Variants in ATP11B observed in about 807,000 individuals in gnomAD.
The protein encoded by ATP11B is phospholipid-transporting ATPase IF.
A neutral mutation model predicts 157.8 loss-of-function variants in ATP11B; 81 were observed. The ratio of observed to expected loss-of-function variants is 0.51; its 90% CI spans 0.43 to 0.62. ATP11B has a LOEUF of 0.62. Among genes scored for constraint, ATP11B ranks in the 20% least tolerant of loss-of-function variants. The probability of loss-of-function intolerance (pLI) is 0.00; values close to 1 mark genes in which losing one functional copy is unlikely to be tolerated. For synonymous variants in ATP11B, 451 were observed against 469.4 expected (o/e 0.96, Z 0.51); for missense variants, 1,165 against 1,402.2 (o/e 0.83, Z 2.70).
In ATP11B at chr3:182,873,896, A is replaced by C. The variant is rs1721844406; in HGVS notation, c.2133A>C (p.Glu711Asp). 1 of 1,614,154 alleles carries C rather than the reference A, an allele frequency of 6.2e-7. No individual in the cohort carries two copies. Among genetic ancestry groups the C allele is most frequent in the Non-Finnish European group, 8.5e-7 (1 of 1,179,994 alleles). Residue 711 changes from glutamate (E) to aspartate (D), a missense_variant, in exon 19 of 30, where the codon GAA (glutamate) becomes GAC (aspartate). Glu to Asp is a conservative substitution (Grantham distance 45). This residue lies in a region of ATP11B where 737 missense variants were observed against 930.5 expected (regional missense o/e 0.79). Transcript: ENST00000323116. The stretch of plus-strand genomic sequence containing the variant: ...GGGTACTTACTGGGGATAAACATGA[A>C]ACAGCTGTTAGTGTGAGTTTATCAT... ...KVWVLTGDKH[E>D]TAVSVSLSCG...
intron 4 of ATP11B, chr3:182,830,053 A>C: frequency 1.7e-6 from 1 of 604,176 alleles, no homozygotes; most frequent in Non-Finnish European, 2.1e-6. Flanking sequence ...TCTTAATTAT[A>C]ATCATCTTTG....
chr3:182,884,894 A>G lies in ATP11B; in HGVS notation c.2651A>G (p.Tyr884Cys). 1 of 1,404,232 alleles carries G rather than the reference A, an allele frequency of 7.1e-7. No homozygotes were observed. Among genetic ancestry groups the G allele is most frequent in the Non-Finnish European group, 9.7e-7 (1 of 1,028,982 alleles). The allele number at this position is 1,404,232 out of a possible 1,614,324, so 87.0% of individuals were successfully genotyped here. A position where few individuals can be genotyped will look rare whatever the true frequency, so the allele number is the denominator to read the frequency against. ...GCTACCCTTGTACAGTATTTTTTTTATAAGGTGAGTTTCATGTATTTAGAA... is the reference window on the plus strand; with the variant it reads ...GCTACCCTTGTACAGTATTTTTTTTGTAAGGTGAGTTTCATGTATTTAGAA... ...RIATLVQYFF[Y>C]KNVCFITPQF... The change falls in exon 22 of 30, where the codon TAT (tyrosine) becomes TGT (cysteine). Residue 884 changes from tyrosine to cysteine, a missense_variant. Physicochemically the swap from Tyr to Cys is radical, Grantham distance 194. Coordinates refer to ENST00000323116, the MANE Select transcript of ATP11B (RefSeq NM_014616.3).
At position 182,916,270 on chromosome 3, in the gene ATP11B, A is replaced by G. The variant is rs886571045; in HGVS notation, c.3453-1753A>G. On this transcript the variant is annotated intron_variant, in intron 29 of 29. Coordinates refer to ENST00000323116, the MANE Select transcript of ATP11B (RefSeq NM_014616.3). ...GTTTCTATTTCATGTCTAATTTAAG[A>G]GGTGGGGCAAGTCTGAGACTGCCAT... 5 of 985,176 alleles carry G rather than the reference A, an allele frequency of 5.1e-6. No individual in the cohort carries two copies. In the African/African-American group the frequency reaches 7.0e-5, roughly 14 times the overall value. 61.0% of individuals were successfully genotyped at this position (985,176 alleles called of 1,614,324 possible).
At chr3:182,856,103 G>T (rs913213602) in intron 10 of ATP11B, among the ~76,000 whole-genome samples, 42 of 152,104 alleles carry the variant, frequency 2.8e-4, no homozygotes, top group African/African-American at 9.9e-4. Flanking sequence ...CACTTTATTT[G>T]TTACAGCAAA....
rs1325805762 is a variant in ATP11B, at chr3:182,896,725, C to G, written c.3008C>G (p.Thr1003Ser). Residue 1003 changes from threonine to serine, a missense_variant, in exon 26 of 30, where the codon ACT (threonine) becomes AGT (serine). Physicochemically the swap from Thr to Ser is moderately conservative, Grantham distance 58 (BLOSUM62 1). Transcript: ENST00000323116. ...ATGTTTGGAAACTGGACATTTGGCA[C>G]TTTGGTCTTCACAGTCATGGTTATT... ...GQMFGNWTFGTLVFTVMVITV... is the reference protein window; with the variant it reads ...GQMFGNWTFGSLVFTVMVITV... 6.2e-7 allele frequency: 1 copy of G among 1,612,930 alleles called. No individual in the cohort carries two copies. Among genetic ancestry groups the G allele is most frequent in the Non-Finnish European group, 8.5e-7 (1 of 1,179,320 alleles).
At chr3:182,894,438 G>A (rs1231783084) in intron 25 of ATP11B, among the ~76,000 whole-genome samples, 6 of 151,954 alleles carry the variant, frequency 3.9e-5, no homozygotes, top group African/African-American at 7.3e-5. Flanking sequence ...CGCCTGCCTC[G>A]GCCTCCCAAA....
At chr3:182,877,487 CA>C (rs1289302941) in intron 19 of ATP11B, among the ~76,000 whole-genome samples, 2 of 152,098 alleles carry the variant, frequency 1.3e-5, no homozygotes, top group Non-Finnish European at 2.9e-5. Context: ...ACAAACAATA[CA>C]AAAATTAGAC....
chr3:182,855,900 G>A (rs1280195781), intron 10 of ATP11B, among the ~76,000 whole-genome samples: 1 of 150,162 alleles, frequency 6.7e-6, no homozygotes, highest in Non-Finnish European at 1.5e-5. Flanking sequence ...TGGCTAGGAG[G>A]TGGAGAGACT....
rs1725284069 is a variant in ATP11B, at chr3:182,918,627, T to G, written c.*523T>G. The G allele has an allele frequency of 2.8e-6, 1 of 354,332 alleles. No individual in the cohort carries two copies. Among genetic ancestry groups the G allele is most frequent in the African/African-American group, 2.1e-5 (1 of 47,746 alleles). The allele number at this position is 354,332 out of a possible 1,614,324, so 21.9% of individuals were successfully genotyped here. A position where few individuals can be genotyped will look rare whatever the true frequency, so the allele number is the denominator to read the frequency against. On this transcript the variant is annotated 3_prime_UTR_variant, in exon 30 of 30. Coordinates refer to ENST00000323116, the MANE Select transcript of ATP11B (RefSeq NM_014616.3). Reference sequence around the variant, plus strand: ...AATTTTGGTCCCTCAGTGACCTGTGTTGTTAATTCATTAATGCATTCTGAG... The same window carrying G: ...AATTTTGGTCCCTCAGTGACCTGTGGTGTTAATTCATTAATGCATTCTGAG...
At chr3:182,917,898 C>A in intron 29 of ATP11B, 125 bp from the exon 30 acceptor site, 1 of 1,376,980 alleles carries the variant, frequency 7.3e-7, no homozygotes, top group Non-Finnish European at 9.4e-7. Context: ...TATGAAGAAC[C>A]TCTCTTTAGT....
intron 10 of ATP11B, among the ~76,000 whole-genome samples, chr3:182,850,336 G>T (rs1471731353): frequency 4.6e-5 from 7 of 152,090 alleles, no homozygotes; most frequent in Non-Finnish European, 1.0e-4. Context: ...AGCCGGGTGT[G>T]GTGGCGGGTG....
Position 182,919,754 on chromosome 3 carries a change from ATTTTCTTGC to A in ATP11B, c.*1652_*1660del, listed in dbSNP as rs1468781901. The A allele has an allele frequency of 2.0e-5, 3 of 152,126 alleles. No individual in the cohort carries two copies. Among genetic ancestry groups the A allele is most frequent in the African/African-American group, 7.2e-5 (3 of 41,438 alleles). The allele number at this position is 152,126 out of a possible 1,614,324, so 9.4% of individuals were successfully genotyped here. A position where few individuals can be genotyped will look rare whatever the true frequency, so the allele number is the denominator to read the frequency against. The stretch of plus-strand genomic sequence containing the variant: ...TATCCTTGTTTGCTTGTAAACTATT[ATTTTCTTGC>A]TAATGTAACATTTGTCTGTTCCAGT... On this transcript the variant is annotated 3_prime_UTR_variant, in exon 30 of 30. Transcript: ENST00000323116.
At position 182,793,664 on chromosome 3, in the gene ATP11B, G is replaced by T. The variant is rs1258313478; in HGVS notation, c.-96G>T. On this transcript the variant is annotated 5_prime_UTR_variant, in exon 1 of 30. Transcript: ENST00000323116. ...GCGGCGGTAAGCGGAACTTCGGCCC[G>T]AGGGGCTCGCCCGCTCCCGCCTCTG... 1 of 788,750 alleles carries T rather than the reference G, an allele frequency of 1.3e-6. No individual in the cohort carries two copies. The highest frequency in any genetic ancestry group is 1.8e-6 in the Non-Finnish European group (1 of 549,560). The allele number at this position is 788,750 out of a possible 1,614,324, so 48.9% of individuals were successfully genotyped here. A position where few individuals can be genotyped will look rare whatever the true frequency, so the allele number is the denominator to read the frequency against.
intron 28 of ATP11B, among the ~76,000 whole-genome samples, chr3:182,904,528 G>A (rs1471316473): frequency 2.6e-5 from 4 of 152,216 alleles, no homozygotes; most frequent in Admixed American, 6.5e-5. Context: ...CTGTGACAGA[G>A]AGGAAAACTG....
intron 23 of ATP11B, 119 bp downstream of exon 23, chr3:182,886,129 A>G: frequency 1.8e-6 from 1 of 543,220 alleles, no homozygotes; most frequent in Non-Finnish European, 3.1e-6. Flanking sequence ...GCAGGGAACC[A>G]GACAGAACTT....
chr3:182,823,271 C>T (rs1415228258), intron 2 of ATP11B, among the ~76,000 whole-genome samples: 1 of 152,092 alleles, frequency 6.6e-6, no homozygotes, highest in Non-Finnish European at 1.5e-5. Flanking sequence ...GTCTTTAATC[C>T]ATCTTGAATT....
intron 27 of ATP11B, among the ~76,000 whole-genome samples, 167 bp from the exon 28 acceptor site, chr3:182,898,440 T>C (rs780631873): frequency 8.5e-5 from 13 of 152,178 alleles, no homozygotes; most frequent in Non-Finnish European, 1.5e-4. Flanking sequence ...TTTTTAACAA[T>C]TAAAGCTTAT....
At chr3:182,836,679 A>G (rs1380113207) in intron 6 of ATP11B, 2 of 517,084 alleles carry the variant, frequency 3.9e-6, no homozygotes, top group Non-Finnish European at 6.5e-6. Context: ...ATCCAAGTTA[A>G]AAACAGAAGG....
chr3:182,908,196 C>CTTTTTTTTTT (rs10716562), intron 28 of ATP11B, among the ~76,000 whole-genome samples: 6 of 70,746 alleles, frequency 8.5e-5, no homozygotes, highest in African/African-American at 2.3e-4. Context: ...TTATTATTTT[C>CTTTTTTTTTT]TTTTTTTTTT....
Sources: allele counts gnomAD v4.1 joint callset (sites outside exome capture counted in the v4.1 genomes callset), GRCh38; gene constraint gnomAD v4.1.1; regional missense constraint gnomAD v4.1.1; transcripts MANE v1.5; gene names NCBI Gene and HGNC (gene_info 2026-07-23, HGNC 2026-07-21).